The following TRIM37 variants were observed in gnomAD, a reference collection of about 807,000 sequenced individuals.
TRIM37 encodes E3 ubiquitin-protein ligase TRIM37.
A neutral mutation model predicts 129.8 loss-of-function variants in TRIM37; 80 were observed. That is an observed-to-expected ratio of 0.62 (90% confidence interval 0.51 to 0.74). The LOEUF (loss-of-function observed/expected upper bound fraction) is 0.74, where lower values mean the gene tolerates loss of function less well. Among genes scored for constraint, TRIM37 ranks in the 30% least tolerant of loss-of-function variants. TRIM37 has a pLI of 0.00. For missense variants in TRIM37, 1,054 were observed against 1,176.5 expected (o/e 0.90, Z 1.52); for synonymous variants, 389 against 387.1 (o/e 1.00, Z -0.06).
intron 17 of TRIM37, among the ~76,000 whole-genome samples, chr17:59,037,557 CAAAAAAAAAA>C (rs58856834): frequency 7.4e-4 from 55 of 74,012 alleles, no homozygotes; most frequent in African/African-American, 1.5e-3. Flanking sequence ...GACTCTGTCT[CAAAAAAAAAA>C]AAAAAAAAAA....
Position 59,056,716 on chromosome 17 carries a change from C to CAAAAAAAAAAAAAAAAAAAAAAAA in TRIM37, c.1199+135_1199+158dup, listed in dbSNP as rs869221576. On this transcript the variant is annotated intron_variant, in intron 13 of 23. Coordinates refer to ENST00000262294, the MANE Select transcript of TRIM37 (RefSeq NM_015294.6). ...GGGCGACAGAGCGAGACTATGTCTC[C>CAAAAAAAAAAAAAAAAAAAAAAAA]AAAAAAAAAAAAAAAAAAAAAAAAA... Among the ~76,000 whole-genome samples the CAAAAAAAAAAAAAAAAAAAAAAAA allele has an allele frequency of 1.8e-4, 7 of 38,042 alleles. 1 individual carries two copies. The highest frequency in any genetic ancestry group is 1.8e-3 in the South Asian group (1 of 548). The allele number at this position is 38,042 out of a possible 152,430, so 25.0% of individuals were successfully genotyped here. A position where few individuals can be genotyped will look rare whatever the true frequency, so the allele number is the denominator to read the frequency against.
chr17:59,085,053 G>T (rs750802819), intron 4 of TRIM37, among the ~76,000 whole-genome samples: 1 of 152,118 alleles, frequency 6.6e-6, no homozygotes, highest in Non-Finnish European at 1.5e-5. Flanking sequence ...CGGGTGCAGC[G>T]GTGGCTCATG....
intron 8 of TRIM37, among the ~76,000 whole-genome samples, chr17:59,072,568 T>C (rs1387119136): frequency 2.0e-5 from 3 of 151,842 alleles, no homozygotes; most frequent in African/African-American, 7.3e-5. Flanking sequence ...GCCAACATGG[T>C]GAAACCCCAT....
the TRIM37 span, among the ~76,000 whole-genome samples, chr17:58,971,740 A>T: frequency 2.0e-5 from 3 of 152,218 alleles, no homozygotes; most frequent in African/African-American, 7.2e-5. Flanking sequence ...GGAGAGCAGA[A>T]TATAGAAATT....
intron 24 of TRIM37, among the ~76,000 whole-genome samples, chr17:58,992,473 C>T (rs942549659): frequency 3.3e-5 from 5 of 151,858 alleles, no homozygotes; most frequent in Non-Finnish European, 4.4e-5. Context: ...CTCCACCTCC[C>T]GGGTTCAAGT....
chr17:59,100,065 C>T (rs1284139287), intron 2 of TRIM37, among the ~76,000 whole-genome samples: 3 of 151,762 alleles, frequency 2.0e-5, no homozygotes, highest in African/African-American at 7.3e-5. Flanking sequence ...GCCTCCCAAT[C>T]CTTTTTTTAA....
At chr17:59,056,344 T>C (rs544999515) in intron 13 of TRIM37, among the ~76,000 whole-genome samples, 42 of 152,278 alleles carry the variant, frequency 2.8e-4, no homozygotes, top group African/African-American at 1.0e-3. Context: ...ACCCAGCTTA[T>C]CTTTAATGGA....
In TRIM37 at chr17:59,012,416, T is replaced by A; in HGVS notation, c.2607A>T (p.Gly869=). The change falls in exon 22 of 24, where the codon GGA becomes GGT. Residue 869 remains glycine, a synonymous_variant. Transcript: ENST00000262294. ...GANAKGGHLE[G]LQMTDLENNS... is the part of the protein sequence containing the mutation. ...TATTTTCCAAATCAGTCATCTGCAG[T>A]CCTTCCAGATGACCTCCTTTAGCAT... 6.2e-7 allele frequency: 1 copy of A among 1,611,042 alleles called. No individual in the cohort carries two copies. The highest frequency in any genetic ancestry group is 8.5e-7 in the Non-Finnish European group (1 of 1,179,412).
At chr17:58,999,743 G>T (rs1337187017) in intron 23 of TRIM37, among the ~76,000 whole-genome samples, 19 of 152,066 alleles carry the variant, frequency 1.2e-4, no homozygotes, top group Admixed American at 1.2e-3. Flanking sequence ...GACAATCTGG[G>T]GACAGCTTAA....
downstream of TRIM37, among the ~76,000 whole-genome samples, chr17:58,978,299 ATATCTGGAGTTTATTTCTTG>A (rs1706205636): frequency 6.6e-6 from 1 of 152,146 alleles, no homozygotes; most frequent in Non-Finnish European, 1.5e-5. Context: ...CCCTTTGTAA[ATATCTGGAGTTTATTTCTTG>A]TTTTTATAAT....
chr17:59,105,509 T>A (rs763188345), intron 1 of TRIM37, among the ~76,000 whole-genome samples: 2 of 152,234 alleles, frequency 1.3e-5, no homozygotes, highest in Non-Finnish European at 2.9e-5. Flanking sequence ...ATTAAACGTA[T>A]ACTTATTGTA....
intron 17 of TRIM37, 87 bp downstream of exon 17, chr17:59,041,726 G>A (rs1031194027): frequency 1.0e-6 from 1 of 994,214 alleles, no homozygotes. Context: ...TACAAGCAGT[G>A]GCTACCACCT....
In TRIM37 at chr17:59,084,076, G is replaced by T. The variant is rs763506495; in HGVS notation, c.295C>A (p.His99Asn). Residue 99 changes from histidine to asparagine, a missense_variant, in exon 5 of 24, where the codon CAT becomes AAT. Around this residue, in one of 3 missense-constraint regions of TRIM37, gnomAD observed 752 missense variants for 870.8 expected, o/e 0.86. Coordinates refer to ENST00000262294, the MANE Select transcript of TRIM37 (RefSeq NM_015294.6). ...CAGCAAAATACACTAAGTTTTTCAT[G>T]GTGATTTTCACATCTATACATTATG... is the stretch of plus-strand genomic sequence containing the variant. ...ENEKDKCENHHEKLSVFCWTC... is the reference protein window; with the variant it reads ...ENEKDKCENHNEKLSVFCWTC... The T allele has an allele frequency of 1.5e-5, 24 of 1,612,216 alleles. No individual in the cohort carries two copies. The highest frequency in any genetic ancestry group is 2.0e-5 in the Non-Finnish European group (24 of 1,178,844).
In TRIM37 at chr17:59,075,684, T is replaced by A. The variant is rs1677572808; in HGVS notation, c.647A>T (p.Glu216Val). The stretch of plus-strand genomic sequence containing the variant: ...CTCCTGAAGTAAGGATTCCAAAAGC[T>A]CTGTTTCTTGGGTTAGAGATGTCTT... Reference protein sequence around the residue: ...GQKTSLTQETELLESLLQEVE... With the variant: ...GQKTSLTQETVLLESLLQEVE... The change falls in exon 8 of 24, where the codon GAG becomes GTG. Residue 216 changes from glutamate to valine, a missense_variant. Physicochemically the swap from Glu to Val is moderately radical, Grantham distance 121. Transcript: ENST00000262294. 3.1e-6 allele frequency: 5 copies of A among 1,611,064 alleles called. No homozygotes were observed. The highest frequency in any genetic ancestry group is 4.2e-6 in the Non-Finnish European group (5 of 1,179,262).
At chr17:59,097,936 T>A (rs1013095102) in intron 2 of TRIM37, among the ~76,000 whole-genome samples, 1 of 152,316 alleles carries the variant, frequency 6.6e-6, no homozygotes, top group Admixed American at 6.5e-5. Flanking sequence ...CTTTTTATAT[T>A]GGTAGAAAAC....
At chr17:58,978,987 G>C (rs909087762), downstream of TRIM37, among the ~76,000 whole-genome samples, 5 of 152,110 alleles carry the variant, frequency 3.3e-5, no homozygotes, top group Admixed American at 2.6e-4. Flanking sequence ...CTCCCTAACA[G>C]TTGCCTCTGC....
At chr17:59,036,642 A>G (rs1484224561) in intron 17 of TRIM37, among the ~76,000 whole-genome samples, 1 of 152,038 alleles carries the variant, frequency 6.6e-6, no homozygotes, top group Admixed American at 6.6e-5. Context: ...GAGTCAATAA[A>G]TATTTCTTGT....
At chr17:59,032,289 G>A (rs534128981) in intron 17 of TRIM37, among the ~76,000 whole-genome samples, 199 bp from the exon 18 acceptor site, 1 of 152,084 alleles carries the variant, frequency 6.6e-6, no homozygotes, top group Admixed American at 6.6e-5. Flanking sequence ...ACTTTGGGAG[G>A]CCGAGGCGGG....
intron 23 of TRIM37, among the ~76,000 whole-genome samples, chr17:59,000,148 G>T (rs1259780918): frequency 6.6e-6 from 1 of 152,162 alleles, no homozygotes; most frequent in Non-Finnish European, 1.5e-5. Flanking sequence ...TCCTTTTACT[G>T]ATTAATCTGT....
Sources: allele counts gnomAD v4.1 joint callset (sites outside exome capture counted in the v4.1 genomes callset), GRCh38; gene constraint gnomAD v4.1.1; regional missense constraint gnomAD v4.1.1; transcripts MANE v1.5; gene names NCBI Gene and HGNC (gene_info 2026-07-23, HGNC 2026-07-21).